Variants in TLN2 observed in about 807,000 individuals in gnomAD.
TLN2 encodes talin-2.
In TLN2, 118 loss-of-function variants were observed where a neutral mutation model predicts 294.7. That is an observed-to-expected ratio of 0.40 (90% CI 0.34 to 0.47). TLN2 has a LOEUF of 0.47. Ranked by LOEUF, TLN2 falls within the 20% of genes least tolerant of loss-of-function variation. TLN2 has a pLI of 0.84. For synonymous variants in TLN2, 1,431 were observed against 1,304.5 expected (o/e 1.10, Z -2.09); for missense variants, 3,083 against 3,282.2 (o/e 0.94, Z 1.48).
intron 1 of TLN2, among the ~76,000 whole-genome samples, chr15:62,444,947 T>C (rs1162782305): frequency 6.6e-6 from 1 of 152,194 alleles, no homozygotes; most frequent in Non-Finnish European, 1.5e-5. Context: ...TGGGCCTTAC[T>C]GATGAACTAA....
chr15:62,656,972 G>A (rs572937771), intron 8 of TLN2, among the ~76,000 whole-genome samples: 2 of 152,310 alleles, frequency 1.3e-5, no homozygotes, highest in South Asian at 4.1e-4. Flanking sequence ...TGACCCCTGA[G>A]TTAGTGGACG....
At chr15:62,708,476 CA>C in intron 20 of TLN2, 25 bp from the exon 21 acceptor site, 1 of 1,605,948 alleles carries the variant, frequency 6.2e-7, no homozygotes, top group Non-Finnish European at 8.5e-7. Flanking sequence ...CCACAGTGCC[CA>C]AAACCTGTTC....
chr15:62,755,610 G>C lies in TLN2; in HGVS notation c.4555G>C (p.Ala1519Pro). 1 of 1,614,154 alleles carries C rather than the reference G, an allele frequency of 6.2e-7. No individual in the cohort carries two copies. Among genetic ancestry groups the C allele is most frequent in the South Asian group, 1.1e-5 (1 of 91,074 alleles). ...NACRIASSKT[A>P]NPVAKRHFVQ... ...CTGCCGCATCGCCTCATCCAAGACG[G>C]CCAACCCAGTAGCCAAGAGGCACTT... The change falls in exon 37 of 59, where the codon GCC becomes CCC. Residue 1519 changes from alanine to proline, a missense_variant. Transcript: ENST00000636159.
chr15:62,808,884 T>TG (rs1432507874), intron 51 of TLN2, among the ~76,000 whole-genome samples: 2 of 152,216 alleles, frequency 1.3e-5, no homozygotes, highest in South Asian at 2.1e-4. Flanking sequence ...GTCCAGGGAC[T>TG]GGGGGTAAGT....
At chr15:62,441,035 C>A (rs7163572) in intron 1 of TLN2, among the ~76,000 whole-genome samples, 1 of 152,156 alleles carries the variant, frequency 6.6e-6, no homozygotes, top group Non-Finnish European at 1.5e-5. Context: ...CTGCTCACTT[C>A]ACATTCATGC....
At chr15:62,522,417 T>G (rs1434889505) in intron 1 of TLN2, among the ~76,000 whole-genome samples, 1 of 152,208 alleles carries the variant, frequency 6.6e-6, no homozygotes, top group East Asian at 1.9e-4. Context: ...GCTGTGGTGG[T>G]CCATTCTCGT....
At chr15:62,731,282 AT>A (rs59180628) in intron 28 of TLN2, among the ~76,000 whole-genome samples, 1,581 of 140,202 alleles carry the variant, frequency 0.011, 14 homozygotes, top group South Asian at 0.028. Context: ...ATTGTCAGGG[AT>A]TTTTTTTTTT....
At chr15:62,533,253 C>CAAAAAA (rs10650730) in intron 1 of TLN2, among the ~76,000 whole-genome samples, 9 of 51,412 alleles carry the variant, frequency 1.8e-4, no homozygotes, top group East Asian at 1.1e-3. Context: ...GACTCTGTCT[C>CAAAAAA]AAAAAAAAAA....
intron 58 of TLN2, among the ~76,000 whole-genome samples, chr15:62,840,261 AATCACAG>A (rs1448902660): frequency 2.0e-5 from 3 of 152,202 alleles, no homozygotes; most frequent in Non-Finnish European, 4.4e-5. Context: ...TTTGCTGTTC[AATCACAG>A]GCCAGAACCA....
intron 1 of TLN2, among the ~76,000 whole-genome samples, chr15:62,392,393 C>G (rs1332456566): frequency 1.3e-5 from 2 of 152,178 alleles, no homozygotes; most frequent in East Asian, 3.8e-4. Flanking sequence ...CCAAAATACA[C>G]GTAAATTGCC....
At chr15:62,544,371 G>A (rs914514690) in intron 1 of TLN2, among the ~76,000 whole-genome samples, 11 of 152,114 alleles carry the variant, frequency 7.2e-5, no homozygotes, top group Admixed American at 7.2e-4. Flanking sequence ...TGGGGCATCT[G>A]CTTCCTTAGC....
Position 62,805,763 on chromosome 15 carries a change from C to CA in TLN2, c.6642dup (p.Asp2215ArgfsTer17). ...GCCAACCTGAGCCGGAAAGCCGTGT[C>CA]AGATATGTTGACGGCTTGCAAGGTA... On this transcript the variant is annotated frameshift_variant, in exon 51 of 59. Coordinates refer to ENST00000636159, the MANE Select transcript of TLN2 (RefSeq NM_015059.3). LOFTEE classifies it high-confidence loss of function. 6.2e-7 allele frequency: 1 copy of CA among 1,613,850 alleles called. No homozygotes were observed. Among genetic ancestry groups the CA allele is most frequent in the Non-Finnish European group, 8.5e-7 (1 of 1,179,840 alleles).
At chr15:62,712,505 G>A (rs2414777) in intron 22 of TLN2, among the ~76,000 whole-genome samples, 132,433 of 152,198 alleles carry the variant, frequency 0.87, 59,180 homozygotes, top group Non-Finnish European at 0.97. Flanking sequence ...CCTACTTTAC[G>A]GTTCTTTAAA....
Position 62,762,463 on chromosome 15 carries a change from C to T in TLN2, c.4961+10C>T, listed in dbSNP as rs2062733946. On this transcript the variant is annotated intron_variant, in intron 39 of 58. Transcript: ENST00000636159. Reference sequence around the variant, plus strand: ...TCATCACTTCTATCAGGTCAGTTTCCCATCCGGAGGTTGCTGCCAGCCTGC... The same window carrying T: ...TCATCACTTCTATCAGGTCAGTTTCTCATCCGGAGGTTGCTGCCAGCCTGC... The T allele has an allele frequency of 6.2e-7, 1 of 1,612,368 alleles. No individual in the cohort carries two copies. The highest frequency in any genetic ancestry group is 1.3e-5 in the African/African-American group (1 of 75,020).
chr15:62,452,257 T>C (rs954946247), intron 1 of TLN2, among the ~76,000 whole-genome samples: 5 of 152,114 alleles, frequency 3.3e-5, no homozygotes, highest in Admixed American at 6.5e-5. Context: ...GCAAACCTGC[T>C]CCTCCCTCCG....
intron 3 of TLN2, chr15:62,644,923 C>T (rs2051652279): frequency 7.8e-6 from 2 of 257,970 alleles, no homozygotes; most frequent in Non-Finnish European, 7.6e-6. Flanking sequence ...ACGCTTACAA[C>T]ACTTCGTTTT....
At chr15:62,641,783 G>A (rs2051143498) in intron 3 of TLN2, among the ~76,000 whole-genome samples, 1 of 152,168 alleles carries the variant, frequency 6.6e-6, no homozygotes, top group African/African-American at 2.4e-5. Flanking sequence ...TAAGTGACCA[G>A]CTCAAGTCAC....
At chr15:62,716,953 T>A (rs12899602) in intron 23 of TLN2, among the ~76,000 whole-genome samples, 12,809 of 124,362 alleles carry the variant, frequency 0.1, 579 homozygotes, top group African/African-American at 0.13. Context: ...TTTTTTTTTT[T>A]AAAAAGTTTG....
At chr15:62,706,699 T>C (rs2059095517) in intron 19 of TLN2, among the ~76,000 whole-genome samples, 1 of 152,232 alleles carries the variant, frequency 6.6e-6, no homozygotes, top group South Asian at 2.1e-4. Context: ...AACCTTCTTA[T>C]GGCACATGAT....
Sources: allele counts gnomAD v4.1 joint callset (sites outside exome capture counted in the v4.1 genomes callset), GRCh38; gene constraint gnomAD v4.1.1; transcripts MANE v1.5; gene names NCBI Gene and HGNC (gene_info 2026-07-23, HGNC 2026-07-21).